The following ZBTB20 variants were observed in gnomAD, a reference collection of about 807,000 sequenced individuals.
ZBTB20 encodes zinc finger and BTB domain containing 20.
In ZBTB20, 9 loss-of-function variants were observed where a neutral mutation model predicts 56.9. The ratio of observed to expected loss-of-function variants is 0.16; its 90% confidence interval spans 0.10 to 0.28. The LOEUF is 0.28. Among genes scored for constraint, ZBTB20 ranks in the 10% least tolerant of loss-of-function variants. ZBTB20 has a pLI of 1.00. For synonymous variants in ZBTB20, 417 were observed against 420.7 expected, an observed-to-expected ratio of 0.99 and a Z score of 0.11; for missense variants, 655 against 1,003.0, an observed-to-expected ratio of 0.65 and a Z score of 4.69.
chr3:114,571,317 T>C (rs1021764194), intron 6 of ZBTB20, among the ~76,000 whole-genome samples: 13 of 152,224 alleles, frequency 8.5e-5, no homozygotes, highest in Non-Finnish European at 1.2e-4. Context: ...ACAAGAGATA[T>C]AGCCAGCCAT....
At chr3:114,842,396 C>A (rs996926251) in intron 4 of ZBTB20, among the ~76,000 whole-genome samples, 1 of 152,180 alleles carries the variant, frequency 6.6e-6, no homozygotes, top group Non-Finnish European at 1.5e-5. Flanking sequence ...TCCAACCTCC[C>A]TCATCTCTAC....
In ZBTB20 at chr3:115,043,605, A is replaced by G. The variant is rs1311104256; in HGVS notation, c.-507+27614T>C. ...ATAAAATAAAATAAAATAAAATAAA[A>G]TAAAATAAAATAAAATAAAATAAAA... On this transcript the variant is annotated intron_variant, in intron 2 of 11. Transcript: ENST00000675478. 2.0e-5 allele frequency among the ~76,000 whole-genome samples: 3 copies of G among 148,388 alleles called. No individual in the cohort carries two copies. The East Asian group carries it at 5.9e-4, about 29-fold the overall frequency.
At chr3:115,076,051 G>T (rs1234637709) in intron 1 of ZBTB20, among the ~76,000 whole-genome samples, 2 of 151,888 alleles carry the variant, frequency 1.3e-5, no homozygotes, top group Non-Finnish European at 2.9e-5. Context: ...TATAAAATAG[G>T]AAGACAATTA....
chr3:114,808,677 G>A (rs930392967), intron 4 of ZBTB20, among the ~76,000 whole-genome samples: 1 of 151,754 alleles, frequency 6.6e-6, no homozygotes, highest in Non-Finnish European at 1.5e-5. Context: ...CTATTTCATT[G>A]ATTTCTGTTC....
At chr3:114,752,113 T>C (rs766865523) in intron 5 of ZBTB20, among the ~76,000 whole-genome samples, 19 of 152,160 alleles carry the variant, frequency 1.2e-4, no homozygotes, top group Non-Finnish European at 2.1e-4. Flanking sequence ...TTTCTCAAAA[T>C]ATTACATGAG....
At chr3:115,000,507 C>G (rs1207572392) in intron 2 of ZBTB20, among the ~76,000 whole-genome samples, 2 of 151,488 alleles carry the variant, frequency 1.3e-5, no homozygotes, top group Non-Finnish European at 3.0e-5. Context: ...CCATAACTTA[C>G]CAATACCCTT....
At chr3:114,790,304 A>G (rs1483062238) in intron 5 of ZBTB20, among the ~76,000 whole-genome samples, 4 of 152,184 alleles carry the variant, frequency 2.6e-5, no homozygotes, top group Non-Finnish European at 4.4e-5. Flanking sequence ...GAAAAAATTA[A>G]TAATCTTTCC....
At chr3:115,140,888 G>A (rs1223187161) in intron 1 of ZBTB20, among the ~76,000 whole-genome samples, 2 of 152,078 alleles carry the variant, frequency 1.3e-5, no homozygotes, top group African/African-American at 4.8e-5. Context: ...TTTTCTTAAA[G>A]TGCATATCTG....
intron 4 of ZBTB20, among the ~76,000 whole-genome samples, chr3:114,891,718 A>G (rs2076814437): frequency 6.6e-6 from 1 of 152,242 alleles, no homozygotes; most frequent in African/African-American, 2.4e-5. Flanking sequence ...TGAAACAAAG[A>G]GAAGATAACT....
intron 11 of ZBTB20, among the ~76,000 whole-genome samples, chr3:114,342,515 A>G (rs2079860534): frequency 6.6e-6 from 1 of 152,210 alleles, no homozygotes; most frequent in African/African-American, 2.4e-5. Flanking sequence ...TAGGAGTCAG[A>G]TATGAATTCC....
At chr3:114,656,907 C>A (rs1311649814) in intron 6 of ZBTB20, among the ~76,000 whole-genome samples, 1 of 152,170 alleles carries the variant, frequency 6.6e-6, no homozygotes, top group Admixed American at 6.5e-5. Context: ...GCCACCACAT[C>A]TGGTGGATTA....
At chr3:115,093,757 G>T (rs2083283040) in intron 1 of ZBTB20, among the ~76,000 whole-genome samples, 2 of 152,044 alleles carry the variant, frequency 1.3e-5, no homozygotes, top group Admixed American at 6.6e-5. Flanking sequence ...AAGGGCAAAA[G>T]GTATGAAGGA....
chr3:114,955,485 A>C (rs2077214486), intron 3 of ZBTB20, among the ~76,000 whole-genome samples: 1 of 152,186 alleles, frequency 6.6e-6, no homozygotes, highest in Non-Finnish European at 1.5e-5. Context: ...TACTGACTTA[A>C]TGACAACCAC....
intron 1 of ZBTB20, among the ~76,000 whole-genome samples, chr3:115,098,262 A>G (rs9289007): frequency 0.4 from 60,944 of 151,984 alleles, 15,051 homozygotes; most frequent in East Asian, 0.67. Context: ...GAGAATGACT[A>G]ATCAAGACAT....
Position 114,404,741 on chromosome 3 carries a change from G to A in ZBTB20, c.-254-15636C>T, listed in dbSNP as rs959216500. Among the ~76,000 whole-genome samples, 14 of 152,134 alleles carry A rather than the reference G, an allele frequency of 9.2e-5. No individual in the cohort carries two copies. In the East Asian group the frequency reaches 2.1e-3, roughly 23 times the overall value. On this transcript the variant is annotated intron_variant, in intron 7 of 11. Coordinates refer to ENST00000675478, the MANE Select transcript of ZBTB20 (RefSeq NM_001348800.3). Reference sequence around the variant, plus strand: ...GAGCTACACAGAAAACCCAATACCCGGAGCTTATATCATATCCTGACTAGG... The same window carrying A: ...GAGCTACACAGAAAACCCAATACCCAGAGCTTATATCATATCCTGACTAGG...
chr3:114,955,201 G>T (rs1430012057), intron 3 of ZBTB20, among the ~76,000 whole-genome samples: 1 of 152,166 alleles, frequency 6.6e-6, no homozygotes, highest in Non-Finnish European at 1.5e-5. Flanking sequence ...TCCAGCTCCA[G>T]AGATTCTTGG....
intron 6 of ZBTB20, among the ~76,000 whole-genome samples, chr3:114,525,890 C>T (rs1282932160): frequency 6.6e-6 from 1 of 152,150 alleles, no homozygotes; most frequent in Non-Finnish European, 1.5e-5. Flanking sequence ...CCAGAACCAA[C>T]CCCTATGTCC....
chr3:114,482,991 G>T lies in ZBTB20; in HGVS notation c.-255+17361C>A, dbSNP rs191267468. Among the ~76,000 whole-genome samples the T allele has an allele frequency of 5.5e-4, 84 of 152,216 alleles. 1 individual carries two copies. The highest frequency in any genetic ancestry group is 1.6e-3 in the African/African-American group (65 of 41,512). ...AATATAGGCCTATTACTTCACAGCT[G>T]CTTTAGGATTTATAGCAGTACTGGT... On this transcript the variant is annotated intron_variant, in intron 7 of 11. Transcript: ENST00000675478.
intron 6 of ZBTB20, among the ~76,000 whole-genome samples, chr3:114,634,383 GC>G (rs2059139564): frequency 6.6e-6 from 1 of 152,128 alleles, no homozygotes; most frequent in Non-Finnish European, 1.5e-5. Context: ...TAATTAAATA[GC>G]TATAGACCCA....
Sources: gnomAD v4.1 joint callset for allele counts (sites outside exome capture counted in the v4.1 genomes callset) on GRCh38, gnomAD v4.1.1 for gene constraint, MANE v1.5 for transcripts, NCBI Gene and HGNC (gene_info 2026-07-23, HGNC 2026-07-21) for gene names.